The following ACOX2 variants were observed in gnomAD, a reference collection of about 807,000 sequenced individuals.
The protein encoded by ACOX2 is peroxisomal acyl-coenzyme A oxidase 2.
Under a neutral mutation model 77.5 loss-of-function variants are expected in ACOX2, and 59 were observed. The ratio of observed to expected loss-of-function variants is 0.76; its 90% CI spans 0.62 to 0.95. ACOX2 has a LOEUF of 0.95. Ranked by LOEUF, ACOX2 falls within the 40% of genes least tolerant of loss-of-function variation. The pLI, the probability that ACOX2 is intolerant of heterozygous loss-of-function variation, is 0.00. For synonymous variants in ACOX2, 317 were observed against 340.1 expected, an observed-to-expected ratio of 0.93 and a Z score of 0.75; for missense variants, 837 against 880.4, an observed-to-expected ratio of 0.95 and a Z score of 0.62.
chr3:58,531,619 T>G lies in ACOX2; in HGVS notation c.703+74A>C, dbSNP rs2063440290. Reference sequence around the variant, plus strand: ...TGTCTTAGCTACTCCTGTGGCCCTCTGGGGCCCCAGGTCAGGGAGGCCACC... The same window carrying G: ...TGTCTTAGCTACTCCTGTGGCCCTCGGGGGCCCCAGGTCAGGGAGGCCACC... On this transcript the variant is annotated intron_variant, in intron 6 of 14. Coordinates refer to ENST00000302819, the MANE Select transcript of ACOX2 (RefSeq NM_003500.4). The surrounding 1 kb of genome is among the most constrained non-coding windows in gnomAD (Gnocchi z 5.8). The G allele has an allele frequency of 1.9e-6, 3 of 1,571,566 alleles. No individual in the cohort carries two copies. The highest frequency in any genetic ancestry group is 2.6e-6 in the Non-Finnish European group (3 of 1,159,586).
chr3:58,511,200 C>A, intron 13 of ACOX2: 1 of 324,132 alleles, frequency 3.1e-6, no homozygotes, highest in South Asian at 2.4e-5. Context: ...TACTGGAGAA[C>A]AACATTCTCC....
rs992205976 is a variant in ACOX2 at position 58,508,899 on chromosome 3, A to G, written c.1977T>C (p.Asn659=). ...LFQWAQKSPT[N]TQENPAYEEY... Reference sequence around the variant, plus strand: ...ATGTGTTCCACTCAACTACCTGAGTATTGGTTGGTGACTTCTGAGCCCACT... The same window carrying G: ...ATGTGTTCCACTCAACTACCTGAGTGTTGGTTGGTGACTTCTGAGCCCACT... The change falls in exon 14 of 15, where the codon AAT becomes AAC. Residue 659 remains asparagine, a synonymous_variant. Transcript: ENST00000302819. 6.2e-6 allele frequency: 10 copies of G among 1,614,062 alleles called. No individual in the cohort carries two copies. In the African/African-American group the frequency reaches 1.1e-4, roughly 17 times the overall value.
rs1393957390 is a variant in ACOX2 at position 58,509,000 on chromosome 3, C to T, written c.1876G>A (p.Ala626Thr). 6.2e-7 allele frequency: 1 copy of T among 1,614,142 alleles called. No individual in the cohort carries two copies. Among genetic ancestry groups the T allele is most frequent in the Non-Finnish European group, 8.5e-7 (1 of 1,180,004 alleles). Residue 626 changes from alanine (A) to threonine (T), a missense_variant, in exon 14 of 15, where the codon GCT (alanine) becomes ACT (threonine). Ala to Thr is a moderately conservative substitution (Grantham distance 58). Coordinates refer to ENST00000302819, the MANE Select transcript of ACOX2 (RefSeq NM_003500.4). ...IRKDAILLTD[A>T]FDFTDQCLNS... ...AAACACTGATCGGTGAAGTCAAAAG[C>T]ATCAGTTAACAGGATGGCATCCTTC...
In ACOX2 at chr3:58,534,744, C is replaced by T; in HGVS notation, c.160+203G>A. The T allele has an allele frequency of 7.5e-7, 1 of 1,337,962 alleles. No individual in the cohort carries two copies. The highest frequency in any genetic ancestry group is 1.2e-5 in the South Asian group (1 of 81,014). The allele number at this position is 1,337,962 out of a possible 1,614,324, so 82.9% of individuals were successfully genotyped here. A position where few individuals can be genotyped will look rare whatever the true frequency, so the allele number is the denominator to read the frequency against. ...GACCAGAATCCAGGTCTTCTGCTGCCTAGGACTCTTCTATCCCCTAGGTGG... is the reference window on the plus strand; with the variant it reads ...GACCAGAATCCAGGTCTTCTGCTGCTTAGGACTCTTCTATCCCCTAGGTGG... On this transcript the variant is annotated intron_variant, in intron 2 of 14. Coordinates refer to ENST00000302819, the MANE Select transcript of ACOX2 (RefSeq NM_003500.4). The surrounding 1 kb of genome is among the most constrained non-coding windows in gnomAD (Gnocchi z 4.8).
rs537861864 is a variant in ACOX2, at chr3:58,522,422, C to T, written c.1632+74G>A. ...AGAGTTGGGGAATAATGGCAGAGCC[C>T]GGATTTTCCCAGCAGGGTAGCCTGC... On this transcript the variant is annotated intron_variant, in intron 12 of 14. Coordinates refer to ENST00000302819, the MANE Select transcript of ACOX2 (RefSeq NM_003500.4). The surrounding 1 kb of genome is among the most constrained non-coding windows in gnomAD (Gnocchi z 4.3). 1.2e-5 allele frequency: 17 copies of T among 1,454,228 alleles called. No homozygotes were observed. The highest frequency in any genetic ancestry group is 7.0e-5 in the African/African-American group (5 of 71,604). 90.1% of individuals were successfully genotyped at this position (1,454,228 alleles called of 1,614,324 possible).
chr3:58,517,460 G>A, intron 12 of ACOX2, 37 bp from the exon 13 acceptor site: 1 of 1,596,850 alleles, frequency 6.3e-7, no homozygotes, highest in Non-Finnish European at 8.6e-7. Flanking sequence ...CTGATTTCTG[G>A]TTTTCTACTC....
intron 8 of ACOX2, 32 bp downstream of exon 8, chr3:58,530,434 T>C (rs1358158531): frequency 6.2e-7 from 1 of 1,604,706 alleles, no homozygotes; most frequent in Non-Finnish European, 8.5e-7. Context: ...AGGCAGCATA[T>C]CTGCGGTAGT....
In ACOX2 at chr3:58,526,560, A is replaced by G; in HGVS notation, c.1252T>C (p.Ser418Pro). Reference protein sequence around the residue: ...CRRACGGHGYSKLSGLPSLVT... With the variant: ...CRRACGGHGYPKLSGLPSLVT... Reference sequence around the variant, plus strand: ...AGTGATGGCAGGCCACTCAGCTTTGAGTAGCCATGTCCGCCACAGGCCCTG... The same window carrying G: ...AGTGATGGCAGGCCACTCAGCTTTGGGTAGCCATGTCCGCCACAGGCCCTG... The change falls in exon 10 of 15, where the codon TCA becomes CCA. Residue 418 changes from serine (S) to proline (P), a missense_variant. Physicochemically the swap from Ser to Pro is moderately conservative, Grantham distance 74. Transcript: ENST00000302819. This position sits in a 1 kb window ranked among gnomAD's most constrained non-coding sequence, Gnocchi z 4.3. 1.9e-6 allele frequency: 3 copies of G among 1,614,204 alleles called. No individual in the cohort carries two copies. The highest frequency in any genetic ancestry group is 2.5e-6 in the Non-Finnish European group (3 of 1,180,032).
At chr3:58,508,448 GAC>G (rs1413186492) in intron 14 of ACOX2, among the ~76,000 whole-genome samples, 1 of 152,186 alleles carries the variant, frequency 6.6e-6, no homozygotes, top group Non-Finnish European at 1.5e-5. Flanking sequence ...GTCTAAGAGA[GAC>G]ATCCCTCAAG....
At position 58,521,509 on chromosome 3, in the gene ACOX2, C is replaced by T. The variant is rs1203138276; in HGVS notation, c.1632+987G>A. Among the ~76,000 whole-genome samples the T allele has an allele frequency of 6.6e-6, 1 of 152,154 alleles. No individual in the cohort carries two copies. The highest frequency in any genetic ancestry group is 2.4e-5 in the African/African-American group (1 of 41,438). On this transcript the variant is annotated intron_variant, in intron 12 of 14. Transcript: ENST00000302819. The surrounding 1 kb of genome is among the most constrained non-coding windows in gnomAD (Gnocchi z 4.8). The stretch of plus-strand genomic sequence containing the variant: ...TTCCCCCTTAGCATCTCTGATCTAC[C>T]CACTTGTCTCCAGGCCTTCTGCCAT...
chr3:58,508,118 G>T (rs930258352), intron 14 of ACOX2, among the ~76,000 whole-genome samples: 1 of 152,128 alleles, frequency 6.6e-6, no homozygotes, highest in Admixed American at 6.5e-5. Flanking sequence ...TAACTACAGG[G>T]TTTATTACCT....
In ACOX2 at chr3:58,530,486, G is replaced by A; in HGVS notation, c.972C>T (p.Arg324=). The A allele has an allele frequency of 1.2e-6, 2 of 1,614,146 alleles. No individual in the cohort carries two copies. The highest frequency in any genetic ancestry group is 1.7e-6 in the Non-Finnish European group (2 of 1,179,960). ...CTTGCCTGGGCCGGAGCCGGGATTG[G>A]CGGCGGATGACCGAGTAGCGCATGG... ...VIAMRYSVIR[R]QSRLRPSDPE... Residue 324 remains arginine, a synonymous_variant, in exon 8 of 15, where the codon CGC becomes CGT. Coordinates refer to ENST00000302819, the MANE Select transcript of ACOX2 (RefSeq NM_003500.4).
chr3:58,532,343 ACT>A (rs1397686271), intron 5 of ACOX2, among the ~76,000 whole-genome samples: 2 of 146,574 alleles, frequency 1.4e-5, no homozygotes, highest in African/African-American at 5.0e-5. Context: ...TTCTGTCATC[ACT>A]CTCTCATCTC....
rs1189291344 is a variant in ACOX2 at position 58,521,946 on chromosome 3, C to T, written c.1632+550G>A. On this transcript the variant is annotated intron_variant, in intron 12 of 14. Coordinates refer to ENST00000302819, the MANE Select transcript of ACOX2 (RefSeq NM_003500.4). This position sits in a 1 kb window ranked among gnomAD's most constrained non-coding sequence, Gnocchi z 4.8. ...TATCCTTGAAGTCTTAGCTGATATG[C>T]CACTTCTTTTGGGAAGCCTTTCTGA... Among the ~76,000 whole-genome samples the T allele has an allele frequency of 1.3e-5, 2 of 152,210 alleles. No individual in the cohort carries two copies. The highest frequency in any genetic ancestry group is 1.9e-4 in the East Asian group (1 of 5,194).
At position 58,535,172 on chromosome 3, in the gene ACOX2, T is replaced by G. The variant is rs2063472856; in HGVS notation, c.-66A>C. On this transcript the variant is annotated 5_prime_UTR_variant, in exon 2 of 15. Transcript: ENST00000302819. This position sits in a 1 kb window ranked among gnomAD's most constrained non-coding sequence, Gnocchi z 4.8. ...CAACCCGGCTGCTCCGAGGGTCTGC[T>G]CTCAGCATTGGTCAGTGCAAAGAAC... 1 of 1,599,126 alleles carries G rather than the reference T, an allele frequency of 6.3e-7. No individual in the cohort carries two copies. Among genetic ancestry groups the G allele is most frequent in the African/African-American group, 1.3e-5 (1 of 74,840 alleles).
Position 58,535,111 on chromosome 3 carries a change from T to C in ACOX2, c.-5A>G, listed in dbSNP as rs781171845. On this transcript the variant is annotated 5_prime_UTR_variant, in exon 2 of 15. Coordinates refer to ENST00000302819, the MANE Select transcript of ACOX2 (RefSeq NM_003500.4). This position sits in a 1 kb window ranked among gnomAD's most constrained non-coding sequence, Gnocchi z 4.8. ...TCGGTGCACTGGGCTGCCCATCCTATCCTGGATCTGTCTGGTGACTATGGA... is the reference window on the plus strand; with the variant it reads ...TCGGTGCACTGGGCTGCCCATCCTACCCTGGATCTGTCTGGTGACTATGGA... 6.2e-7 allele frequency: 1 copy of C among 1,614,166 alleles called. No individual in the cohort carries two copies. Among genetic ancestry groups the C allele is most frequent in the South Asian group, 1.1e-5 (1 of 91,080 alleles).
At chr3:58,507,015 C>T (rs1159811279) in intron 14 of ACOX2, among the ~76,000 whole-genome samples, 1 of 152,158 alleles carries the variant, frequency 6.6e-6, no homozygotes, top group African/African-American at 2.4e-5. Flanking sequence ...CATTAGCAGG[C>T]AGCCTCATGT....
Position 58,509,066 on chromosome 3 carries a change from T to G in ACOX2, c.1851-41A>C, listed in dbSNP as rs992011493. 4 of 1,604,500 alleles carry G rather than the reference T, an allele frequency of 2.5e-6. No homozygotes were observed. The African/African-American group carries it at 4.0e-5, about 16-fold the overall frequency. ...AGAGTTTGTAAGTATTTTAGATTGC[T>G]CTTATGAATCAAACTAGTCTTGGAT... On this transcript the variant is annotated intron_variant, in intron 13 of 14. Transcript: ENST00000302819.
chr3:58,512,815 T>C lies in ACOX2; in HGVS notation c.1851-3790A>G, dbSNP rs1246721179. ...TATTGCTTAGTGATTGATGTTAGAA[T>C]TGGCTGCAGTATTCAGAACAGCAAC... On this transcript the variant is annotated intron_variant, in intron 13 of 14. Coordinates refer to ENST00000302819, the MANE Select transcript of ACOX2 (RefSeq NM_003500.4). This position sits in a 1 kb window ranked among gnomAD's most constrained non-coding sequence, Gnocchi z 4.8. Among the ~76,000 whole-genome samples the C allele has an allele frequency of 6.6e-6, 1 of 152,226 alleles. No homozygotes were observed. The highest frequency in any genetic ancestry group is 1.5e-5 in the Non-Finnish European group (1 of 68,046).
Sources: gnomAD v4.1 joint callset for allele counts (sites outside exome capture counted in the v4.1 genomes callset) on GRCh38, gnomAD v4.1.1 for gene constraint, Gnocchi (gnomAD v3.1) non-coding constraint, MANE v1.5 for transcripts, NCBI Gene and HGNC (gene_info 2026-07-23, HGNC 2026-07-21) for gene names.